BMPR2: variants seen among roughly 807,000 people sequenced by gnomAD.
BMPR2 encodes the protein bone morphogenetic protein receptor type 2, also known as bone morphogenetic protein receptor type-2.
Under a neutral mutation model 100.8 loss-of-function variants are expected in BMPR2, and 29 were observed. The ratio of observed to expected loss-of-function variants is 0.29; its 90% confidence interval spans 0.21 to 0.39. BMPR2 has a LOEUF of 0.39. Among genes scored for constraint, BMPR2 ranks in the 10% least tolerant of loss-of-function variants. The probability of loss-of-function intolerance (pLI) is 1.00; values close to 1 mark genes in which losing one functional copy is unlikely to be tolerated. For synonymous variants in BMPR2, 382 were observed against 442.3 expected, an observed-to-expected ratio of 0.86 and a Z score of 1.71; for missense variants, 1,011 against 1,274.5, an observed-to-expected ratio of 0.79 and a Z score of 3.15.
Position 202,555,639 on chromosome 2 carries a change from G to A in BMPR2, c.1974G>A (p.Leu658=). Residue 658 remains leucine (L), a synonymous_variant, in exon 12 of 13, where the codon CTG becomes CTA. Coordinates refer to ENST00000374580, the MANE Select transcript of BMPR2 (RefSeq NM_001204.7). The part of the protein sequence containing the change: ...SIGPTPVCLQ[L]TEEDLETNKL... ...GGCCAACCCCTGTCTGCTTACAGCT[G>A]ACAGAAGAAGACTTGGAAACCAACA... 1.9e-6 allele frequency: 3 copies of A among 1,614,088 alleles called. No homozygotes were observed. The highest frequency in any genetic ancestry group is 8.5e-7 in the Non-Finnish European group (1 of 1,180,022).
At chr2:202,541,506 A>G (rs771898165) in intron 9 of BMPR2, among the ~76,000 whole-genome samples, 66 of 152,200 alleles carry the variant, frequency 4.3e-4, no homozygotes, top group Non-Finnish European at 8.1e-4. Context: ...AACATTTGAT[A>G]CAGTCTGGCT....
chr2:202,479,340 C>T (rs1692614320), intron 3 of BMPR2, among the ~76,000 whole-genome samples: 1 of 152,078 alleles, frequency 6.6e-6, no homozygotes, highest in Non-Finnish European at 1.5e-5. Flanking sequence ...TTAGTTGAGT[C>T]TTGAGATGAC....
intron 1 of BMPR2, among the ~76,000 whole-genome samples, chr2:202,447,851 C>T (rs1047856098): frequency 6.7e-6 from 1 of 150,308 alleles, no homozygotes; most frequent in Admixed American, 6.6e-5. Context: ...GCTCTCCAGG[C>T]AGGTTATAGA....
chr2:202,505,963 C>T (rs957454114), intron 3 of BMPR2, among the ~76,000 whole-genome samples: 1 of 152,102 alleles, frequency 6.6e-6, no homozygotes, highest in Non-Finnish European at 1.5e-5. Context: ...ACAAATTTTC[C>T]TACCTAGGTG....
intron 1 of BMPR2, among the ~76,000 whole-genome samples, chr2:202,432,932 G>A (rs1333090314): frequency 6.6e-6 from 1 of 150,434 alleles, no homozygotes; most frequent in Non-Finnish European, 1.5e-5. Context: ...GTTGTTTTGA[G>A]GTTTGACCTG....
chr2:202,513,689 A>G, intron 3 of BMPR2, 30 bp from the exon 4 acceptor site: 1 of 1,553,216 alleles, frequency 6.4e-7, no homozygotes, highest in Non-Finnish European at 8.9e-7. Flanking sequence ...TTTAAAAAAA[A>G]ATGACATTTC....
At chr2:202,413,893 A>G (rs1691068372) in intron 1 of BMPR2, among the ~76,000 whole-genome samples, 3 of 152,048 alleles carry the variant, frequency 2.0e-5, no homozygotes, top group African/African-American at 7.2e-5. Flanking sequence ...GGAATTCCTG[A>G]GCTCAAGTGA....
At chr2:202,450,928 C>T (rs1691966218) in intron 1 of BMPR2, among the ~76,000 whole-genome samples, 1 of 152,170 alleles carries the variant, frequency 6.6e-6, no homozygotes, top group Non-Finnish European at 1.5e-5. Flanking sequence ...ACTGTTGCTT[C>T]AGCTATTTAG....
At chr2:202,536,471 G>A (rs1224048859) in intron 9 of BMPR2, among the ~76,000 whole-genome samples, 1 of 152,072 alleles carries the variant, frequency 6.6e-6, no homozygotes, top group Non-Finnish European at 1.5e-5. Flanking sequence ...AGTAGATTAA[G>A]TACAGGTTAA....
intron 3 of BMPR2, among the ~76,000 whole-genome samples, chr2:202,510,419 G>A (rs1188729265): frequency 6.6e-6 from 1 of 152,118 alleles, no homozygotes; most frequent in African/African-American, 2.4e-5. Context: ...GAAATGAACT[G>A]CTAAGCCACA....
At chr2:202,504,742 C>T (rs1391960146) in intron 3 of BMPR2, among the ~76,000 whole-genome samples, 1 of 144,386 alleles carries the variant, frequency 6.9e-6, no homozygotes, top group Non-Finnish European at 1.5e-5. Flanking sequence ...TGCAGTGGCG[C>T]AATCTCTGCT....
At chr2:202,411,605 C>T (rs1161214325) in intron 1 of BMPR2, among the ~76,000 whole-genome samples, 1 of 152,112 alleles carries the variant, frequency 6.6e-6, no homozygotes, top group Non-Finnish European at 1.5e-5. Flanking sequence ...TGACTCCATT[C>T]AGGTTTTGTG....
rs568081759 is a variant in BMPR2 at position 202,489,404 on chromosome 2, A to C, written c.418+21715A>C. 9.2e-5 allele frequency among the ~76,000 whole-genome samples: 14 copies of C among 152,366 alleles called. 1 individual carries two copies. In the South Asian group the frequency reaches 2.9e-3, roughly 32 times the overall value. The stretch of plus-strand genomic sequence containing the variant: ...AAAGTTAAGGGAACGAAAAGCAAGG[A>C]ATAAGACAATTATAAAAGTAAAGAC... On this transcript the variant is annotated intron_variant, in intron 3 of 12. Transcript: ENST00000374580.
rs907144924 is a variant in BMPR2 at position 202,503,351 on chromosome 2, C to T, written c.419-10368C>T. On this transcript the variant is annotated intron_variant, in intron 3 of 12. Transcript: ENST00000374580. The surrounding 1 kb of genome is among the most constrained non-coding windows in gnomAD (Gnocchi z 4.0). ...CTTTCTGGGCTGGCCAAGGCCGGAG[C>T]CCACTCCCTCAGCTTGCAGGGAGGT... Among the ~76,000 whole-genome samples the T allele has an allele frequency of 1.3e-5, 2 of 152,338 alleles. No homozygotes were observed. The highest frequency in any genetic ancestry group is 1.3e-4 in the Admixed American group (2 of 15,310).
chr2:202,497,418 T>C (rs1693060618), intron 3 of BMPR2, among the ~76,000 whole-genome samples: 1 of 152,154 alleles, frequency 6.6e-6, no homozygotes, highest in Non-Finnish European at 1.5e-5. Context: ...CAGTTAAAAG[T>C]GACTAGCGCA....
At chr2:202,440,580 G>C (rs1691718172) in intron 1 of BMPR2, among the ~76,000 whole-genome samples, 1 of 150,768 alleles carries the variant, frequency 6.6e-6, no homozygotes, top group African/African-American at 2.5e-5. Flanking sequence ...CCGGGCAGAG[G>C]CTGCAATCTC....
rs888234003 is a variant in BMPR2 at position 202,376,774 on chromosome 2, C to T, written c.-701C>T. ...ACCGGGGCCGCGACCGCGACCCCTC[C>T]CCTCCCCCGCTCCTACCTCTCCTCA... On this transcript the variant is annotated 5_prime_UTR_variant, in exon 1 of 13. Transcript: ENST00000374580. Among the ~76,000 whole-genome samples, 3 of 151,346 alleles carry T rather than the reference C, an allele frequency of 2.0e-5. No individual in the cohort carries two copies. Among genetic ancestry groups the T allele is most frequent in the African/African-American group, 7.3e-5 (3 of 41,252 alleles).
chr2:202,438,365 A>G (rs1264654258), intron 1 of BMPR2, among the ~76,000 whole-genome samples: 1 of 150,580 alleles, frequency 6.6e-6, no homozygotes, highest in Non-Finnish European at 1.5e-5. Context: ...TCTGGATACT[A>G]GTACTTTGTT....
intron 1 of BMPR2, among the ~76,000 whole-genome samples, chr2:202,395,387 TC>T (rs1365752916): frequency 1.3e-5 from 2 of 152,226 alleles, no homozygotes; most frequent in Non-Finnish European, 2.9e-5. Context: ...CTATTCTTGA[TC>T]AATTCTGTTT....
Sources: gnomAD v4.1 joint callset for allele counts (sites outside exome capture counted in the v4.1 genomes callset) on GRCh38, gnomAD v4.1.1 for gene constraint, Gnocchi (gnomAD v3.1) non-coding constraint, MANE v1.5 for transcripts, NCBI Gene and HGNC (gene_info 2026-07-23, HGNC 2026-07-21) for gene names.